PDGFB: variants seen among roughly 807,000 people sequenced by gnomAD.
PDGFB encodes the protein platelet derived growth factor subunit B, also known as platelet-derived growth factor subunit B.
Under a neutral mutation model 29.0 loss-of-function variants are expected in PDGFB, and 6 were observed. The observed-to-expected ratio is 0.21, with a 90% CI of 0.11 to 0.41. The LOEUF (loss-of-function observed/expected upper bound fraction) is 0.41. PDGFB is among the 10% of genes least tolerant of loss of function. PDGFB has a pLI of 1.00. For missense variants in PDGFB, 299 were observed against 341.8 expected (o/e 0.87, Z 0.99); for synonymous variants, 144 against 140.8 (o/e 1.02, Z -0.16).
intron 2 of PDGFB, among the ~76,000 whole-genome samples, chr22:39,234,275 G>A (rs1932386873): frequency 6.6e-6 from 1 of 152,136 alleles, no homozygotes; most frequent in Non-Finnish European, 1.5e-5. Flanking sequence ...TTTCTAGCCT[G>A]GGCACCATCT....
intron 5 of PDGFB, among the ~76,000 whole-genome samples, chr22:39,227,783 G>A (rs760548211): frequency 9.9e-5 from 15 of 152,140 alleles, no homozygotes; most frequent in Non-Finnish European, 2.1e-4. Context: ...CATTTCCTGG[G>A]AGCCTTTTGA....
In PDGFB at chr22:39,233,508, C is replaced by T. The variant is rs566382140; in HGVS notation, c.177G>A (p.Glu59=). The change falls in exon 3 of 7, where the codon GAG becomes GAA. Residue 59 remains glutamate, a synonymous_variant. Transcript: ENST00000331163. ...GGGAGCGGGTCATGTTCAGGTCCAA[C>T]TCGGCCCCATCTTCCTCTGCAGGAG... The part of the protein sequence containing the change: ...HGDPGEEDGA[E]LDLNMTRSHS... 2 of 1,590,894 alleles carry T rather than the reference C, an allele frequency of 1.3e-6. No homozygotes were observed. Among genetic ancestry groups the T allele is most frequent in the Admixed American group, 3.6e-5 (2 of 56,156 alleles).
intron 2 of PDGFB, among the ~76,000 whole-genome samples, chr22:39,235,055 G>C (rs1465764908): frequency 6.6e-6 from 1 of 152,194 alleles, no homozygotes; most frequent in African/African-American, 2.4e-5. Context: ...GAATGCTTTT[G>C]AGAGGGAGCC....
At chr22:39,241,587 G>C (rs1932569364) in intron 1 of PDGFB, among the ~76,000 whole-genome samples, 1 of 152,280 alleles carries the variant, frequency 6.6e-6, no homozygotes, top group South Asian at 2.1e-4. Flanking sequence ...GGAGCTGTGG[G>C]AAAGAAGGAG....
In PDGFB at chr22:39,225,681, C is replaced by T. The variant is rs751182414; in HGVS notation, c.*28+14G>A. ...ACAGGATTCTGGGCCTCAGTTGCCC[C>T]GCCTGGCCCTCACCTGCCCACACAC... is the stretch of plus-strand genomic sequence containing the variant. On this transcript the variant is annotated intron_variant, in intron 6 of 6. Coordinates refer to ENST00000331163, the MANE Select transcript of PDGFB (RefSeq NM_002608.4). The T allele has an allele frequency of 8.1e-6, 13 of 1,596,112 alleles. No individual in the cohort carries two copies. The highest frequency in any genetic ancestry group is 1.7e-5 in the Admixed American group (1 of 58,834).
intron 2 of PDGFB, among the ~76,000 whole-genome samples, chr22:39,235,407 G>C (rs921371617): frequency 6.6e-6 from 1 of 152,188 alleles, no homozygotes; most frequent in Non-Finnish European, 1.5e-5. Context: ...CTCACAGACC[G>C]GGCCCCTAGC....
intron 5 of PDGFB, among the ~76,000 whole-genome samples, chr22:39,229,614 C>T (rs547656628): frequency 6.6e-6 from 1 of 152,342 alleles, no homozygotes; most frequent in Admixed American, 6.5e-5. Context: ...ATCCCATCCC[C>T]ACATCCAACA....
At chr22:39,226,188 GT>G (rs1318272480) in intron 5 of PDGFB, among the ~76,000 whole-genome samples, 1 of 152,140 alleles carries the variant, frequency 6.6e-6, no homozygotes, top group Non-Finnish European at 1.5e-5. Flanking sequence ...ATGGCTTCAA[GT>G]TCTTTGTCAT....
chr22:39,235,728 T>G (rs1262655148), intron 2 of PDGFB, 50 bp downstream of exon 2: 1 of 1,325,114 alleles, frequency 7.5e-7, no homozygotes, highest in Admixed American at 1.7e-5. Flanking sequence ...CTCCCAGATC[T>G]CTTAAAGTCT....
At chr22:39,227,113 G>A (rs543925866) in intron 5 of PDGFB, among the ~76,000 whole-genome samples, 4 of 152,288 alleles carry the variant, frequency 2.6e-5, no homozygotes, top group Admixed American at 2.0e-4. Context: ...CATGCACCAT[G>A]ACACCTGGTT....
At chr22:39,227,311 C>G (rs971719105) in intron 5 of PDGFB, among the ~76,000 whole-genome samples, 16 of 152,198 alleles carry the variant, frequency 1.1e-4, no homozygotes, top group Non-Finnish European at 1.9e-4. Flanking sequence ...CCAGGCTGGT[C>G]TTGAACTCCT....
intron 5 of PDGFB, among the ~76,000 whole-genome samples, chr22:39,226,221 T>A (rs540388893): frequency 6.6e-6 from 1 of 152,338 alleles, no homozygotes; most frequent in South Asian, 2.1e-4. Context: ...CAATAGAGTT[T>A]ATTTCCCTGC....
At chr22:39,232,927 G>A (rs919200562) in intron 3 of PDGFB, among the ~76,000 whole-genome samples, 1 of 152,298 alleles carries the variant, frequency 6.6e-6, no homozygotes, top group South Asian at 2.1e-4. Context: ...AATGATCTAC[G>A]GTCTCCTTTA....
rs1200870900 is a variant in PDGFB at position 39,243,212 on chromosome 22, CTCTA to C, written c.63+685_63+688del. 3.3e-5 allele frequency among the ~76,000 whole-genome samples: 5 copies of C among 152,038 alleles called. No individual in the cohort carries two copies. The highest frequency in any genetic ancestry group is 6.5e-5 in the Admixed American group (1 of 15,270). On this transcript the variant is annotated intron_variant, in intron 1 of 6. Transcript: ENST00000331163. This position sits in a 1 kb window ranked among gnomAD's most constrained non-coding sequence, Gnocchi z 6.4. Reference sequence around the variant, plus strand: ...CCGAGTGCCCGAAACCTACCTGCGTCTCTATCTTTCTCTCCCTCTCTCTCTCCGT... The same window carrying C: ...CCGAGTGCCCGAAACCTACCTGCGTCTCTTTCTCTCCCTCTCTCTCTCCGT...
intron 1 of PDGFB, among the ~76,000 whole-genome samples, chr22:39,239,834 C>T (rs902996235): frequency 6.8e-5 from 10 of 147,946 alleles, no homozygotes; most frequent in African/African-American, 2.5e-4. Flanking sequence ...GCTTGAACCC[C>T]ACCCTCCTCC....
rs1336983040 is a variant in PDGFB at position 39,242,383 on chromosome 22, G to A, written c.63+1518C>T. The A allele has an allele frequency of 4.9e-6, 1 of 205,996 alleles. No individual in the cohort carries two copies. The highest frequency in any genetic ancestry group is 9.9e-6 in the Non-Finnish European group (1 of 101,008). The allele number at this position is 205,996 out of a possible 1,614,324, so 12.8% of individuals were successfully genotyped here. A position where few individuals can be genotyped will look rare whatever the true frequency, so the allele number is the denominator to read the frequency against. On this transcript the variant is annotated intron_variant, in intron 1 of 6. Transcript: ENST00000331163. This position sits in a 1 kb window ranked among gnomAD's most constrained non-coding sequence, Gnocchi z 5.7. ...CCGTTCCCAGGACGCCCTGGCACCG[G>A]GCCCAGCCCCCAGGTCCCACGGCGA... is the stretch of plus-strand genomic sequence containing the variant.
rs1251330427 is a variant in PDGFB at position 39,223,755 on chromosome 22, A to G, written c.*1587T>C. On this transcript the variant is annotated 3_prime_UTR_variant, in exon 7 of 7. Transcript: ENST00000331163. ...AATATAAATAAATTTTACATTTAAA[A>G]AATAAAAGGAAAGCCCCCAAAAATA... 3.3e-5 allele frequency: 5 copies of G among 152,658 alleles called. No homozygotes were observed. Among genetic ancestry groups the G allele is most frequent in the Admixed American group, 2.6e-4 (4 of 15,290 alleles). The allele number at this position is 152,658 out of a possible 1,614,324, so 9.5% of individuals were successfully genotyped here. A position where few individuals can be genotyped will look rare whatever the true frequency, so the allele number is the denominator to read the frequency against.
In PDGFB at chr22:39,231,921, T is replaced by C; in HGVS notation, c.251-94A>G. 2 of 1,023,868 alleles carry C rather than the reference T, an allele frequency of 2.0e-6. No individual in the cohort carries two copies. Among genetic ancestry groups the C allele is most frequent in the Non-Finnish European group, 2.9e-6 (2 of 701,250 alleles). 63.4% of individuals were successfully genotyped at this position (1,023,868 alleles called of 1,614,324 possible). On this transcript the variant is annotated intron_variant, in intron 3 of 6. Coordinates refer to ENST00000331163, the MANE Select transcript of PDGFB (RefSeq NM_002608.4). The surrounding 1 kb of genome is among the most constrained non-coding windows in gnomAD (Gnocchi z 4.3). ...TCAGCGGGTGCCTCCGGGACTGCTC[T>C]TTCTCACGCCCTTCAACCCCAGGGT...
rs114786489 is a variant in PDGFB, at chr22:39,225,814, G to A, written c.635C>T (p.Thr212Met). ...KTPQTRVTIR[T>M]VRVRRPPKGK... is the part of the protein sequence containing the mutation. ...CTTGGGGGGCCGGCGGACTCGCACC[G>A]TCCGAATGGTCACCCGAGTTTGGGG... Residue 212 changes from threonine (T) to methionine (M), a missense_variant, in exon 6 of 7, where the codon ACG (threonine) becomes ATG (methionine). Physicochemically the swap from Thr to Met is moderately conservative, Grantham distance 81. Transcript: ENST00000331163. The A allele has an allele frequency of 6.2e-3, 9,959 of 1,613,780 alleles. 42 individuals are homozygous for A. The highest frequency in any genetic ancestry group is 0.015 in the South Asian group (1,350 of 91,058).
Sources: gnomAD v4.1 joint callset for allele counts (sites outside exome capture counted in the v4.1 genomes callset) on GRCh38, gnomAD v4.1.1 for gene constraint, Gnocchi (gnomAD v3.1) non-coding constraint, MANE v1.5 for transcripts, NCBI Gene and HGNC (gene_info 2026-07-23, HGNC 2026-07-21) for gene names.